The following SLC7A13 variants were observed in gnomAD, a reference collection of about 807,000 sequenced individuals.
SLC7A13 encodes the protein solute carrier family 7 member 13.
A neutral mutation model predicts 32.0 loss-of-function variants in SLC7A13; 31 were observed. The observed-to-expected ratio is 0.97, with a 90% CI of 0.73 to 1.31. SLC7A13 has a LOEUF of 1.31. Ranked by LOEUF, SLC7A13 falls within the 50% of genes most tolerant of loss-of-function variation. SLC7A13 has a pLI of 0.00. For synonymous variants in SLC7A13, 232 were observed against 206.9 expected (o/e 1.12, Z -1.04); for missense variants, 633 against 546.9 (o/e 1.16, Z -1.57).
chr8:86,216,940 CT>C (rs1036189481), intron 3 of SLC7A13, among the ~76,000 whole-genome samples: 1 of 152,138 alleles, frequency 6.6e-6, no homozygotes, highest in African/African-American at 2.4e-5. Context: ...CCAAGTTTTG[CT>C]GCTTATTTCC....
At position 86,217,951 on chromosome 8, in the gene SLC7A13, G is replaced by A. The variant is rs1344321909; in HGVS notation, c.818-120C>T. 6 of 1,127,050 alleles carry A rather than the reference G, an allele frequency of 5.3e-6. No homozygotes were observed. In the African/African-American group the frequency reaches 8.0e-5, roughly 15 times the overall value. The allele number at this position is 1,127,050 out of a possible 1,614,324, so 69.8% of individuals were successfully genotyped here. Reference sequence around the variant, plus strand: ...TTAAGTAATTAATAACATTTAGTTTGCTTAATTTTATCATTTATTTCCTTA... The same window carrying A: ...TTAAGTAATTAATAACATTTAGTTTACTTAATTTTATCATTTATTTCCTTA... On this transcript the variant is annotated intron_variant, in intron 2 of 3. Transcript: ENST00000297524.
At position 86,230,154 on chromosome 8, in the gene SLC7A13, A is replaced by T. The variant is rs1436918632; in HGVS notation, c.124T>A (p.Ser42Thr). ...AGGGAGACTCCCACGTTCATGCAAG[A>T]GTATGCCAACACACCTTTGGGGGAC... is the stretch of plus-strand genomic sequence containing the variant. The part of the protein sequence containing the change: ...FVSPKGVLAY[S>T]CMNVGVSLCV... The change falls in exon 1 of 4, where the codon TCT (serine) becomes ACT (threonine). Residue 42 changes from serine (S) to threonine (T), a missense_variant. Transcript: ENST00000297524. The T allele has an allele frequency of 6.2e-7, 1 of 1,614,104 alleles. No homozygotes were observed.
intron 3 of SLC7A13, 130 bp downstream of exon 3, chr8:86,217,339 TA>T: frequency 1.2e-6 from 1 of 848,124 alleles, no homozygotes; most frequent in Non-Finnish European, 1.7e-6. Flanking sequence ...AAGACTAGAT[TA>T]TTCTCATGTG....
chr8:86,219,127 T>C (rs1820244881), intron 2 of SLC7A13, among the ~76,000 whole-genome samples: 1 of 152,180 alleles, frequency 6.6e-6, no homozygotes. Flanking sequence ...TTCTTAAAAA[T>C]ATCTTGTCTC....
chr8:86,216,403 T>C (rs2129779158), intron 3 of SLC7A13, among the ~76,000 whole-genome samples: 1 of 152,300 alleles, frequency 6.6e-6, no homozygotes, highest in South Asian at 2.1e-4. Context: ...TTTACATGAC[T>C]GTCCAGATAG....
In SLC7A13 at chr8:86,217,659, A is replaced by T. The variant is rs1373430976; in HGVS notation, c.990T>A (p.Leu330=). The change falls in exon 3 of 4, where the codon CTT becomes CTA. Residue 330 remains leucine (L), a synonymous_variant. Coordinates refer to ENST00000297524, the MANE Select transcript of SLC7A13 (RefSeq NM_138817.3). The stretch of plus-strand genomic sequence containing the variant: ...CTGTAAATGGAGAAGAGTGACTATT[A>T]AGTGTATTAAATAGCAAAGGCAGCT... ...EGQLPLLFNT[L]NSHSSPFTAV... is the part of the protein sequence containing the mutation. 5.0e-6 allele frequency: 8 copies of T among 1,613,274 alleles called. No individual in the cohort carries two copies. In the South Asian group the frequency reaches 5.5e-5, roughly 11 times the overall value.
chr8:86,219,246 G>A (rs1820246779), intron 2 of SLC7A13, among the ~76,000 whole-genome samples: 1 of 152,036 alleles, frequency 6.6e-6, no homozygotes, highest in South Asian at 2.1e-4. Flanking sequence ...TTTCCAGTAA[G>A]GCAAAGGAAA....
Position 86,223,100 on chromosome 8 carries a change from T to A in SLC7A13, c.689A>T (p.Glu230Val). Residue 230 changes from glutamate (E) to valine (V), a missense_variant, in exon 2 of 4, where the codon GAG (glutamate) becomes GTG (valine). Coordinates refer to ENST00000297524, the MANE Select transcript of SLC7A13 (RefSeq NM_138817.3). Reference protein sequence around the residue: ...GGACFTLIAGELKKPRTTIPK... With the variant: ...GGACFTLIAGVLKKPRTTIPK... ...AATTGTTGTTCTGGGCTTCTTCAGC[T>A]CCCCTATAACACAAAAGAGGACACA... 1 of 1,597,892 alleles carries A rather than the reference T, an allele frequency of 6.3e-7. No homozygotes were observed.
intron 1 of SLC7A13, among the ~76,000 whole-genome samples, chr8:86,223,674 T>C (rs936149453): frequency 2.0e-5 from 3 of 151,976 alleles, no homozygotes; most frequent in African/African-American, 7.3e-5. Flanking sequence ...GAAATCTCCA[T>C]ACTGTTTTCC....
intron 2 of SLC7A13, among the ~76,000 whole-genome samples, chr8:86,219,259 C>T (rs1321368107): frequency 6.6e-6 from 1 of 151,788 alleles, no homozygotes; most frequent in Non-Finnish European, 1.5e-5. Context: ...AAAGGAAATT[C>T]CCCTTCAATT....
At position 86,230,175 on chromosome 8, in the gene SLC7A13, G is replaced by A. The variant is rs186513758; in HGVS notation, c.103C>T (p.Pro35Ser). The change falls in exon 1 of 4, where the codon CCC (proline) becomes TCC (serine). Residue 35 changes from proline (P) to serine (S), a missense_variant. Transcript: ENST00000297524. ...NIIGAGIFVSPKGVLAYSCMN... is the reference protein window; with the variant it reads ...NIIGAGIFVSSKGVLAYSCMN... ...CAAGAGTATGCCAACACACCTTTGGGGGACACAAAAATTCCTGCACCAATG... is the reference window on the plus strand; with the variant it reads ...CAAGAGTATGCCAACACACCTTTGGAGGACACAAAAATTCCTGCACCAATG... The A allele has an allele frequency of 1.7e-5, 27 of 1,614,014 alleles. No individual in the cohort carries two copies. In the East Asian group the frequency reaches 5.8e-4, roughly 35 times the overall value.
intron 1 of SLC7A13, among the ~76,000 whole-genome samples, chr8:86,226,646 C>T (rs1477776758): frequency 1.3e-5 from 2 of 152,198 alleles, no homozygotes; most frequent in African/African-American, 4.8e-5. Flanking sequence ...TTTCATCCTT[C>T]GTCTCTATGT....
rs142088648 is a variant in SLC7A13, at chr8:86,226,386, C to A, written c.685+3207G>T. Among the ~76,000 whole-genome samples the A allele has an allele frequency of 2.6e-4, 40 of 152,286 alleles. No homozygotes were observed. The East Asian group carries it at 7.5e-3, about 29-fold the overall frequency. On this transcript the variant is annotated intron_variant, in intron 1 of 3. Coordinates refer to ENST00000297524, the MANE Select transcript of SLC7A13 (RefSeq NM_138817.3). ...TTATTTTTAACTCAATGCAAACTGA[C>A]TTCCTCTCATGTTCAAAATTCACCA... is the stretch of plus-strand genomic sequence containing the variant.
Position 86,221,792 on chromosome 8 carries a change from C to A in SLC7A13, c.817+1180G>T, listed in dbSNP as rs559319904. On this transcript the variant is annotated intron_variant, in intron 2 of 3. Coordinates refer to ENST00000297524, the MANE Select transcript of SLC7A13 (RefSeq NM_138817.3). ...AAAATTGCTATAATCATTATTACAC[C>A]GAAGGAGATATTCATGATTTTTTAA... Among the ~76,000 whole-genome samples, 126 of 152,072 alleles carry A rather than the reference C, an allele frequency of 8.3e-4. 1 individual carries two copies. The highest frequency in any genetic ancestry group is 1.5e-3 in the Non-Finnish European group (101 of 68,028).
Position 86,217,507 on chromosome 8 carries a change from C to G in SLC7A13, c.1142G>C (p.Arg381Pro), listed in dbSNP as rs377120069. ...SILLMIGILR[R>P]RYQEPNLSIP... ...AGATAGATTGGGTTCCTGGTATCTCCGCCTTAGTATTCCTATCATTAATAA... is the reference window on the plus strand; with the variant it reads ...AGATAGATTGGGTTCCTGGTATCTCGGCCTTAGTATTCCTATCATTAATAA... The change falls in exon 3 of 4, where the codon CGG becomes CCG. Residue 381 changes from arginine to proline, a missense_variant. Coordinates refer to ENST00000297524, the MANE Select transcript of SLC7A13 (RefSeq NM_138817.3). The G allele has an allele frequency of 6.3e-7, 1 of 1,596,822 alleles. No individual in the cohort carries two copies. Among genetic ancestry groups the G allele is most frequent in the Admixed American group, 1.8e-5 (1 of 56,276 alleles).
chr8:86,220,027 C>A (rs765021366), intron 2 of SLC7A13, among the ~76,000 whole-genome samples: 7 of 151,852 alleles, frequency 4.6e-5, no homozygotes, highest in Non-Finnish European at 8.8e-5. Context: ...CTTCAAAATT[C>A]TTTTATTATT....
In SLC7A13 at chr8:86,214,368, T is replaced by A. The variant is rs1347109988; in HGVS notation, c.*45A>T. The A allele has an allele frequency of 9.0e-7, 1 of 1,105,408 alleles. No individual in the cohort carries two copies. Among genetic ancestry groups the A allele is most frequent in the Non-Finnish European group, 1.3e-6 (1 of 755,636 alleles). The allele number at this position is 1,105,408 out of a possible 1,614,324, so 68.5% of individuals were successfully genotyped here. On this transcript the variant is annotated 3_prime_UTR_variant, in exon 4 of 4. Coordinates refer to ENST00000297524, the MANE Select transcript of SLC7A13 (RefSeq NM_138817.3). ...TAACCTTGATTTGGAATCTGATATA[T>A]GTTTTTTAGAAGGCCAATTTTTTAA...
chr8:86,214,219 TA>T lies in SLC7A13; in HGVS notation c.*193del. The T allele has an allele frequency of 6.5e-6, 3 of 463,356 alleles. No individual in the cohort carries two copies. The highest frequency in any genetic ancestry group is 7.6e-6 in the Non-Finnish European group (2 of 262,878). 28.7% of individuals were successfully genotyped at this position (463,356 alleles called of 1,614,324 possible). ...TTTTTACCATGCGAAGCAGAGCTTT[TA>T]GCAATTTCTTAGTGACTCTGAAGCC... On this transcript the variant is annotated 3_prime_UTR_variant, in exon 4 of 4. Coordinates refer to ENST00000297524, the MANE Select transcript of SLC7A13 (RefSeq NM_138817.3).
chr8:86,224,286 C>T (rs1207156788), intron 1 of SLC7A13, among the ~76,000 whole-genome samples: 1 of 152,156 alleles, frequency 6.6e-6, no homozygotes, highest in Non-Finnish European at 1.5e-5. Flanking sequence ...ATAGGGTCTA[C>T]TCTCTTATGT....
Sources: allele counts gnomAD v4.1 joint callset (sites outside exome capture counted in the v4.1 genomes callset), GRCh38; gene constraint gnomAD v4.1.1; transcripts MANE v1.5; gene names NCBI Gene and HGNC (gene_info 2026-07-23, HGNC 2026-07-21).